MECOM: variants seen among roughly 807,000 people sequenced by gnomAD.
MECOM encodes the protein histone-lysine N-methyltransferase MECOM.
MECOM carries 13 observed loss-of-function variants against 116.3 expected under a neutral mutation model. The ratio of observed to expected loss-of-function variants is 0.11; its 90% confidence interval spans 0.07 to 0.18. The LOEUF (loss-of-function observed/expected upper bound fraction) is 0.18. Among genes scored for constraint, MECOM ranks in the 10% least tolerant of loss-of-function variants. The probability of loss-of-function intolerance (pLI) is 1.00; values close to 1 mark genes in which losing one functional copy is unlikely to be tolerated. For synonymous variants in MECOM, 528 were observed against 535.2 expected (o/e 0.99, Z 0.19); for missense variants, 1,299 against 1,509.0 (o/e 0.86, Z 2.31).
intron 5 of MECOM, among the ~76,000 whole-genome samples, 183 bp from the exon 6 acceptor site, chr3:169,122,910 T>C (rs868061621): frequency 1.3e-5 from 2 of 152,116 alleles, no homozygotes; most frequent in Non-Finnish European, 2.9e-5. Context: ...CTGGACTGTG[T>C]CTCCTGGACT....
intron 2 of MECOM, among the ~76,000 whole-genome samples, chr3:169,186,343 GGGAA>G (rs1331901039): frequency 0.077 from 6,120 of 79,772 alleles, 788 homozygotes; most frequent in East Asian, 0.2. Flanking sequence ...GAGGGAGGGA[GGGAA>G]GGAAGGAAGG....
chr3:169,280,844 A>C (rs9682893), intron 2 of MECOM, among the ~76,000 whole-genome samples: 3,724 of 152,300 alleles, frequency 0.024, 104 homozygotes, highest in East Asian at 0.13. Flanking sequence ...GGCTGTTGTG[A>C]TGGCCCAGCA....
At chr3:169,432,039 T>C (rs1560266179) in intron 1 of MECOM, among the ~76,000 whole-genome samples, 2 of 152,044 alleles carry the variant, frequency 1.3e-5, no homozygotes, top group Admixed American at 1.3e-4. Context: ...ACTACATGTG[T>C]CTACAAACTG....
intron 1 of MECOM, among the ~76,000 whole-genome samples, chr3:169,507,762 C>A (rs563254119): frequency 1.4e-5 from 2 of 148,074 alleles, no homozygotes; most frequent in Non-Finnish European, 3.0e-5. Context: ...CCCGGGTTCA[C>A]GCCATTCTCC....
At chr3:169,273,737 A>T (rs1188363653) in intron 2 of MECOM, among the ~76,000 whole-genome samples, 1 of 152,014 alleles carries the variant, frequency 6.6e-6, no homozygotes, top group Non-Finnish European at 1.5e-5. Flanking sequence ...TCCTAATCAC[A>T]TTCAAAGGCC....
intron 2 of MECOM, among the ~76,000 whole-genome samples, chr3:169,375,692 C>T (rs982620473): frequency 1.3e-5 from 2 of 151,984 alleles, no homozygotes; most frequent in Admixed American, 6.6e-5. Context: ...AATTAATAGT[C>T]TACCAACCAA....
At chr3:169,559,672 C>A (rs1369983511) in intron 1 of MECOM, among the ~76,000 whole-genome samples, 1 of 152,134 alleles carries the variant, frequency 6.6e-6, no homozygotes, top group African/African-American at 2.4e-5. Context: ...TCACAAACAC[C>A]TTCTCCTCAT....
intron 2 of MECOM, among the ~76,000 whole-genome samples, chr3:169,170,058 C>T (rs1030832618): frequency 1.3e-5 from 2 of 152,026 alleles, no homozygotes; most frequent in African/African-American, 4.8e-5. Flanking sequence ...CTATTTTTAC[C>T]TCTGTGGATT....
At chr3:169,632,129 T>A (rs1772169170) in intron 1 of MECOM, among the ~76,000 whole-genome samples, 1 of 152,110 alleles carries the variant, frequency 6.6e-6, no homozygotes, top group South Asian at 2.1e-4. Flanking sequence ...GAAAGGCCAT[T>A]AGCTATCCTC....
intron 1 of MECOM, among the ~76,000 whole-genome samples, chr3:169,587,229 G>T (rs1765876106): frequency 6.6e-6 from 1 of 152,062 alleles, no homozygotes; most frequent in Non-Finnish European, 1.5e-5. Context: ...CTGTAATACA[G>T]AAATGATCAT....
chr3:169,381,428 T>A lies in MECOM; in HGVS notation c.134A>T (p.Glu45Val), dbSNP rs1171738129. 1 of 1,613,714 alleles carries A rather than the reference T, an allele frequency of 6.2e-7. No individual in the cohort carries two copies. Among genetic ancestry groups the A allele is most frequent in the African/African-American group, 1.3e-5 (1 of 74,928 alleles). Residue 45 changes from glutamate to valine, a missense_variant, in exon 2 of 17, where the codon GAG (glutamate) becomes GTG (valine). Transcript: ENST00000651503. ...VASTPSLNIQ[E>V]PCSPATSSEA... ...ACTGGATGTGGCAGGAGAGCATGGC[T>A]CTTGAATATTGAGGGAGGGAGTGCT...
chr3:169,336,916 G>A (rs1342415549), intron 2 of MECOM, among the ~76,000 whole-genome samples: 3 of 152,126 alleles, frequency 2.0e-5, no homozygotes, highest in African/African-American at 2.4e-5. Context: ...ATATTTGATA[G>A]AAACATCTCA....
intron 1 of MECOM, among the ~76,000 whole-genome samples, chr3:169,620,661 C>G (rs1218370536): frequency 3.3e-5 from 5 of 152,174 alleles, no homozygotes; most frequent in African/African-American, 1.2e-4. Flanking sequence ...CTAGTGAGGG[C>G]AGAATATGAG....
Position 169,525,755 on chromosome 3 carries a change from G to A in MECOM, c.37+137581C>T, listed in dbSNP as rs528258800. ...AAAAGGTGGCTGGATGCAGCCGGGC[G>A]TGATGGCTCACGCCTGTAATCCTAG... On this transcript the variant is annotated intron_variant, in intron 1 of 16. Coordinates refer to ENST00000651503, the MANE Select transcript of MECOM (RefSeq NM_004991.4). Among the ~76,000 whole-genome samples, 22 of 152,334 alleles carry A rather than the reference G, an allele frequency of 1.4e-4. No homozygotes were observed. The East Asian group carries it at 2.3e-3, about 16-fold the overall frequency.
chr3:169,259,548 C>T (rs1757281962), intron 2 of MECOM, among the ~76,000 whole-genome samples: 1 of 152,128 alleles, frequency 6.6e-6, no homozygotes, highest in African/African-American at 2.4e-5. Flanking sequence ...CATAGCAAGA[C>T]CCCATCTCTA....
At chr3:169,095,547 G>C (rs956952209) in intron 12 of MECOM, among the ~76,000 whole-genome samples, 2 of 152,070 alleles carry the variant, frequency 1.3e-5, no homozygotes, top group African/African-American at 4.8e-5. Flanking sequence ...AGGAACAGTA[G>C]CATTGTTTTA....
At chr3:169,154,185 T>C (rs1164228495) in intron 2 of MECOM, among the ~76,000 whole-genome samples, 2 of 152,018 alleles carry the variant, frequency 1.3e-5, no homozygotes, top group African/African-American at 4.8e-5. Context: ...GCAGCAAAGG[T>C]GGAATACCAT....
intron 2 of MECOM, among the ~76,000 whole-genome samples, chr3:169,187,356 T>C (rs1182319847): frequency 6.6e-6 from 1 of 152,154 alleles, no homozygotes; most frequent in African/African-American, 2.4e-5. Flanking sequence ...TAAGTTTCAC[T>C]TAGCAGAACA....
intron 1 of MECOM, among the ~76,000 whole-genome samples, chr3:169,439,512 A>G (rs1370530581): frequency 6.6e-6 from 1 of 152,136 alleles, no homozygotes; most frequent in Non-Finnish European, 1.5e-5. Context: ...AAAGGTCCAC[A>G]AACATGTGAA....
Sources: gnomAD v4.1 joint callset for allele counts (sites outside exome capture counted in the v4.1 genomes callset) on GRCh38, gnomAD v4.1.1 for gene constraint, MANE v1.5 for transcripts, NCBI Gene and HGNC (gene_info 2026-07-23, HGNC 2026-07-21) for gene names.